The following LNPK variants were observed in gnomAD, a reference collection of about 807,000 sequenced individuals.
LNPK encodes the protein endoplasmic reticulum junction formation protein lunapark.
A neutral mutation model predicts 55.2 loss-of-function variants in LNPK; 29 were observed. The ratio of observed to expected loss-of-function variants is 0.53; its 90% CI spans 0.39 to 0.72. LNPK has a LOEUF of 0.72. Ranked by LOEUF, LNPK falls within the 30% of genes least tolerant of loss-of-function variation. LNPK has a pLI of 0.00. For missense variants in LNPK, 467 were observed against 494.8 expected (o/e 0.94, Z 0.53); for synonymous variants, 162 against 168.2 (o/e 0.96, Z 0.29).
chr2:175,974,165 T>C (rs890279815), intron 5 of LNPK, among the ~76,000 whole-genome samples: 1 of 152,232 alleles, frequency 6.6e-6, no homozygotes, highest in Non-Finnish European at 1.5e-5. Flanking sequence ...TTAGCACAGC[T>C]ATAACGTCAT....
At chr2:175,994,241 G>A in intron 2 of LNPK, 3 of 969,418 alleles carry the variant, frequency 3.1e-6, no homozygotes, top group Non-Finnish European at 2.5e-6. Context: ...ATTTTGCTAA[G>A]TCCAAGCAGT....
chr2:175,935,229 G>T (rs556237298), intron 12 of LNPK, among the ~76,000 whole-genome samples: 46 of 152,188 alleles, frequency 3.0e-4, no homozygotes, highest in African/African-American at 9.4e-4. Context: ...TGCTAAGAAG[G>T]AGCCACTGCA....
intron 4 of LNPK, among the ~76,000 whole-genome samples, chr2:175,988,275 G>A (rs1192468251): frequency 1.3e-5 from 2 of 151,984 alleles, no homozygotes; most frequent in African/African-American, 4.8e-5. Context: ...GCTGAGATGG[G>A]CAGATCACTT....
chr2:175,942,330 C>T (rs566545715), intron 9 of LNPK, among the ~76,000 whole-genome samples: 1 of 152,230 alleles, frequency 6.6e-6, no homozygotes, highest in African/African-American at 2.4e-5. Flanking sequence ...ATTTGAGCAT[C>T]CGTGGATTCC....
intron 2 of LNPK, chr2:175,994,281 C>T (rs192345658): frequency 1.0e-6 from 1 of 978,546 alleles, no homozygotes; most frequent in African/African-American, 1.7e-5. Flanking sequence ...ATGGTTCAAC[C>T]TATTATGAAA....
At chr2:175,961,686 T>A (rs571392684) in intron 8 of LNPK, among the ~76,000 whole-genome samples, 1 of 152,190 alleles carries the variant, frequency 6.6e-6, no homozygotes, top group African/African-American at 2.4e-5. Context: ...CAACATAGGG[T>A]TGGAAGTTCT....
intron 4 of LNPK, among the ~76,000 whole-genome samples, chr2:175,982,507 G>A (rs1687221477): frequency 1.3e-5 from 2 of 151,896 alleles, no homozygotes; most frequent in African/African-American, 4.8e-5. Context: ...GACTTCAAAA[G>A]GTAAAACAGA....
chr2:175,989,505 CAT>C (rs1252422181), intron 4 of LNPK, among the ~76,000 whole-genome samples: 1 of 151,996 alleles, frequency 6.6e-6, no homozygotes. Flanking sequence ...ACTTAGTTAA[CAT>C]AGTTAACTAA....
At chr2:175,936,661 C>A (rs1343431332) in intron 12 of LNPK, among the ~76,000 whole-genome samples, 1 of 152,130 alleles carries the variant, frequency 6.6e-6, no homozygotes, top group Non-Finnish European at 1.5e-5. Flanking sequence ...ATAGTCTAAT[C>A]TTCCACCTCA....
intron 9 of LNPK, among the ~76,000 whole-genome samples, chr2:175,944,567 T>C (rs1178653390): frequency 6.6e-6 from 1 of 152,116 alleles, no homozygotes; most frequent in African/African-American, 2.4e-5. Flanking sequence ...ATGTTTGCCT[T>C]TGTAAAACAA....
At chr2:175,972,269 A>T (rs1377711516) in intron 5 of LNPK, among the ~76,000 whole-genome samples, 3 of 152,166 alleles carry the variant, frequency 2.0e-5, no homozygotes, top group Non-Finnish European at 4.4e-5. Flanking sequence ...CTAAATTCAA[A>T]TACAGGTTGA....
chr2:175,998,535 G>A (rs184196870), intron 1 of LNPK, among the ~76,000 whole-genome samples: 172 of 151,742 alleles, frequency 1.1e-3, no homozygotes, highest in African/African-American at 4.1e-3. Context: ...TAAGCACCCA[G>A]TTATTATGAA....
intron 4 of LNPK, among the ~76,000 whole-genome samples, chr2:175,985,966 C>A (rs970165681): frequency 6.6e-6 from 1 of 152,082 alleles, no homozygotes; most frequent in Non-Finnish European, 1.5e-5. Flanking sequence ...CCTGCCTGTA[C>A]ATTTTTTTCT....
At position 175,927,321 on chromosome 2, in the gene LNPK, A is replaced by G. The variant is rs2105499202; in HGVS notation, c.*2646T>C. ...CCTTGAGATACAGACATGAATAAGA[A>G]AAATAAGACCCTTGCACAAACGGAC... On this transcript the variant is annotated 3_prime_UTR_variant, in exon 13 of 13. Transcript: ENST00000272748. The G allele has an allele frequency of 6.6e-6, 1 of 152,368 alleles. No individual in the cohort carries two copies. The highest frequency in any genetic ancestry group is 1.9e-4 in the East Asian group (1 of 5,190). The allele number at this position is 152,368 out of a possible 1,614,324, so 9.4% of individuals were successfully genotyped here.
chr2:175,995,655 A>G lies in LNPK; in HGVS notation c.-62-9T>C. 7.7e-7 allele frequency: 1 copy of G among 1,296,738 alleles called. No individual in the cohort carries two copies. Among genetic ancestry groups the G allele is most frequent in the Non-Finnish European group, 1.1e-6 (1 of 892,608 alleles). 80.3% of individuals were successfully genotyped at this position (1,296,738 alleles called of 1,614,324 possible). A position where few individuals can be genotyped will look rare whatever the true frequency, so the allele number is the denominator to read the frequency against. ...TCCAAAGGAATTCACAGCTAGAAAT[A>G]AAGCAAGTATTTAAAATGTTAAGTT... On this transcript the variant is annotated splice_polypyrimidine_tract_variant and intron_variant, in intron 1 of 12. Transcript: ENST00000272748.
intron 9 of LNPK, among the ~76,000 whole-genome samples, chr2:175,944,436 CATT>C (rs1264511612): frequency 2.6e-5 from 4 of 151,956 alleles, no homozygotes; most frequent in African/African-American, 9.7e-5. Context: ...CACATTCAAA[CATT>C]ATGAATTGTA....
intron 5 of LNPK, among the ~76,000 whole-genome samples, chr2:175,975,926 T>C (rs959463104): frequency 2.0e-5 from 3 of 152,206 alleles, no homozygotes; most frequent in East Asian, 1.9e-4. Context: ...GGCAAGAGAA[T>C]TGCTTTAATC....
intron 8 of LNPK, among the ~76,000 whole-genome samples, chr2:175,961,698 G>A (rs2105616976): frequency 6.6e-6 from 1 of 152,238 alleles, no homozygotes; most frequent in Admixed American, 6.5e-5. Context: ...GGAAGTTCTG[G>A]CCAAGGCAAT....
intron 5 of LNPK, 121 bp downstream of exon 5, chr2:175,979,689 A>C (rs761445456): frequency 5.0e-5 from 40 of 793,158 alleles, no homozygotes; most frequent in Non-Finnish European, 7.1e-5. Context: ...CTTTATAATA[A>C]ACAACTCTTC....
Sources: allele counts gnomAD v4.1 joint callset (sites outside exome capture counted in the v4.1 genomes callset), GRCh38; gene constraint gnomAD v4.1.1; transcripts MANE v1.5; gene names NCBI Gene and HGNC (gene_info 2026-07-23, HGNC 2026-07-21).